Variants in TMED3 observed in about 807,000 individuals in gnomAD.
TMED3 encodes transmembrane p24 trafficking protein 3.
A neutral mutation model predicts 15.0 loss-of-function variants in TMED3; 9 were observed. The ratio of observed to expected loss-of-function variants is 0.60; its 90% CI spans 0.36 to 1.04. TMED3 has a LOEUF of 1.04. Among genes scored for constraint, TMED3 ranks in the 50% least tolerant of loss-of-function variants. The pLI, the probability that TMED3 is intolerant of heterozygous loss-of-function variation, is 0.01. For synonymous variants in TMED3, 117 were observed against 121.4 expected (o/e 0.96, Z 0.24); for missense variants, 267 against 278.9 (o/e 0.96, Z 0.30).
intron 2 of TMED3, among the ~76,000 whole-genome samples, chr15:79,336,365 A>G (rs1302727758): frequency 6.6e-6 from 1 of 152,166 alleles, no homozygotes; most frequent in East Asian, 1.9e-4. Context: ...GCCAAAAACA[A>G]ACTACATTAG....
At chr15:79,333,597 T>G (rs1306161175) in intron 2 of TMED3, among the ~76,000 whole-genome samples, 1 of 152,232 alleles carries the variant, frequency 6.6e-6, no homozygotes, top group African/African-American at 2.4e-5. Context: ...TCTGCACCAG[T>G]AACTACTTTT....
At chr15:79,369,366 C>T (rs1595902705) in intron 2 of TMED3, among the ~76,000 whole-genome samples, 7 of 152,338 alleles carry the variant, frequency 4.6e-5, no homozygotes, top group Admixed American at 4.6e-4. Context: ...CTATCACTAG[C>T]TTGACCGCCT....
chr15:79,368,467 T>A (rs1029241965), intron 2 of TMED3, among the ~76,000 whole-genome samples: 6 of 152,280 alleles, frequency 3.9e-5, no homozygotes, highest in Non-Finnish European at 5.9e-5. Context: ...AATTATGGGG[T>A]ACCTCTGTAA....
chr15:79,368,672 G>A (rs928749944), intron 2 of TMED3, among the ~76,000 whole-genome samples: 3 of 152,222 alleles, frequency 2.0e-5, no homozygotes, highest in African/African-American at 4.8e-5. Context: ...AGAAGCAGTA[G>A]TCAGTCATAT....
In TMED3 at chr15:79,322,152, G is replaced by A; in HGVS notation, c.592G>A (p.Val198Met). The A allele has an allele frequency of 1.2e-6, 2 of 1,614,216 alleles. No individual in the cohort carries two copies. The highest frequency in any genetic ancestry group is 1.1e-5 in the South Asian group (1 of 91,086). Residue 198 changes from valine to methionine, a missense_variant, in exon 3 of 3, where the codon GTG becomes ATG. By Grantham distance (21) the Val-to-Met change is conservative. This residue lies in a region of TMED3 where 139 missense variants were observed against 125.0 expected (regional missense o/e 1.11). Transcript: ENST00000299705. Reference sequence around the variant, plus strand: ...CCTGTTCGTGGTCAGCTTCAGTCAGGTGCTACTGTTGAAAAGCTTCTTCAC... The same window carrying A: ...CCTGTTCGTGGTCAGCTTCAGTCAGATGCTACTGTTGAAAAGCTTCTTCAC... ...IALFVVSFSQ[V>M]LLLKSFFTEK...
At position 79,313,441 on chromosome 15, in the gene TMED3, C is replaced by G. The variant is rs76307773; in HGVS notation, c.169-316C>G. Among the ~76,000 whole-genome samples, 323 of 152,294 alleles carry G rather than the reference C, an allele frequency of 2.1e-3. 2 individuals are homozygous for G. The highest frequency in any genetic ancestry group is 7.1e-3 in the African/African-American group (296 of 41,562). On this transcript the variant is annotated intron_variant, in intron 1 of 2. Transcript: ENST00000299705. ...CTCTTGTGTAACCTTAGGGAATTTA[C>G]TTAACCTTGGAACCTCAGTTTCTTC...
intron 2 of TMED3, among the ~76,000 whole-genome samples, chr15:79,361,634 A>G (rs1247995720): frequency 6.6e-6 from 1 of 152,174 alleles, no homozygotes; most frequent in African/African-American, 2.4e-5. Flanking sequence ...GTGCATCAAA[A>G]TCTCACAAGT....
intron 2 of TMED3, among the ~76,000 whole-genome samples, chr15:79,349,779 G>C (rs975625453): frequency 3.9e-5 from 6 of 152,182 alleles, no homozygotes; most frequent in African/African-American, 1.4e-4. Context: ...CTCAGGGCCA[G>C]GGCAACAGCT....
intron 2 of TMED3, among the ~76,000 whole-genome samples, chr15:79,348,222 G>T (rs1738231292): frequency 6.6e-6 from 1 of 152,160 alleles, no homozygotes; most frequent in African/African-American, 2.4e-5. Context: ...GCCTAACACA[G>T]ATGACAGGTC....
intron 2 of TMED3, among the ~76,000 whole-genome samples, chr15:79,400,173 T>C (rs1203202069): frequency 6.6e-6 from 1 of 152,220 alleles, no homozygotes; most frequent in Non-Finnish European, 1.5e-5. Context: ...GCCTGCACCA[T>C]TCTGCTGTCA....
chr15:79,399,690 G>A (rs1000940646), intron 2 of TMED3, among the ~76,000 whole-genome samples: 1 of 152,206 alleles, frequency 6.6e-6, no homozygotes, highest in Non-Finnish European at 1.5e-5. Flanking sequence ...TTTCTGACCT[G>A]CCTTCCCATA....
In TMED3 at chr15:79,377,237, C is replaced by CA. The variant is rs1158292744; in HGVS notation, c.418-34159dup. ...AGGTGGATATGTCATCCTAGGTATT[C>CA]AAAATAGCAAACCCTAAGTGGAGAG... On this transcript the variant is annotated intron_variant, in intron 2 of 2. Transcript: ENST00000424155. Among the ~76,000 whole-genome samples, 3 of 150,498 alleles carry CA rather than the reference C, an allele frequency of 2.0e-5. No homozygotes were observed. In the East Asian group the frequency reaches 5.9e-4, roughly 29 times the overall value.
intron 2 of TMED3, among the ~76,000 whole-genome samples, chr15:79,374,119 C>T (rs555428885): frequency 3.3e-5 from 5 of 152,240 alleles, no homozygotes; most frequent in African/African-American, 1.2e-4. Flanking sequence ...TAAATTTTCC[C>T]CAGTGGCCCT....
chr15:79,340,149 GA>G (rs1249532696), intron 2 of TMED3, among the ~76,000 whole-genome samples: 3 of 152,128 alleles, frequency 2.0e-5, no homozygotes, highest in African/African-American at 7.2e-5. Flanking sequence ...AGAAATACTT[GA>G]ATTTCATCTT....
At chr15:79,365,684 A>C (rs1184175932) in intron 2 of TMED3, among the ~76,000 whole-genome samples, 1 of 152,244 alleles carries the variant, frequency 6.6e-6, no homozygotes, top group East Asian at 1.9e-4. Context: ...AACGTAGAGT[A>C]GCTATCTGTG....
At chr15:79,357,998 C>T (rs1893046756) in intron 2 of TMED3, among the ~76,000 whole-genome samples, 1 of 152,098 alleles carries the variant, frequency 6.6e-6, no homozygotes, top group Admixed American at 6.5e-5. Context: ...ATTAATGTAC[C>T]CGTCTCGGCT....
chr15:79,380,291 A>T (rs1465543348), intron 2 of TMED3, among the ~76,000 whole-genome samples: 2 of 151,668 alleles, frequency 1.3e-5, no homozygotes, highest in Non-Finnish European at 2.9e-5. Flanking sequence ...TGGAGATTGC[A>T]GTGAGCCTAG....
chr15:79,413,725 C>A (rs1894027844), exon 3 of TMED3: 1 of 152,196 alleles, frequency 6.6e-6, no homozygotes, highest in Admixed American at 6.5e-5. Context: ...AAAGAATTAT[C>A]TGTGAGTCCT....
chr15:79,314,054 C>G (rs753642087), intron 2 of TMED3, 49 bp downstream of exon 2: 2 of 1,601,096 alleles, frequency 1.2e-6, no homozygotes, highest in Admixed American at 1.7e-5. Context: ...TAGCGTGTTC[C>G]TCTTCATTGG....
Sources: allele counts gnomAD v4.1 joint callset (sites outside exome capture counted in the v4.1 genomes callset), GRCh38; gene constraint gnomAD v4.1.1; regional missense constraint gnomAD v4.1.1; transcripts MANE v1.5; gene names NCBI Gene and HGNC (gene_info 2026-07-23, HGNC 2026-07-21).